The following NTM variants were observed in gnomAD, a reference collection of about 807,000 sequenced individuals.
The protein encoded by NTM is neurotrimin, also known as IgLON family member 2.
In NTM, 13 loss-of-function variants were observed where a neutral mutation model predicts 42.1. The observed-to-expected ratio is 0.31, with a 90% CI of 0.20 to 0.49. NTM has a LOEUF of 0.49. Among genes scored for constraint, NTM ranks in the 20% least tolerant of loss-of-function variants. The pLI, the probability that NTM is intolerant of heterozygous loss-of-function variation, is 0.99. For synonymous variants in NTM, 187 were observed against 179.2 expected (o/e 1.04, Z -0.35); for missense variants, 373 against 452.8 (o/e 0.82, Z 1.60).
intron 1 of NTM, among the ~76,000 whole-genome samples, chr11:131,477,117 G>C (rs900294216): frequency 2.0e-5 from 3 of 152,078 alleles, no homozygotes; most frequent in African/African-American, 4.8e-5. Context: ...GTAATGCTTG[G>C]AGGAGAAAGG....
At chr11:131,646,419 C>T (rs546294173) in intron 1 of NTM, among the ~76,000 whole-genome samples, 3 of 152,218 alleles carry the variant, frequency 2.0e-5, no homozygotes, top group Non-Finnish European at 2.9e-5. Context: ...CTTTCTTCCC[C>T]AGGCCCTAAC....
intron 1 of NTM, among the ~76,000 whole-genome samples, chr11:131,892,653 GA>G (rs1213880260): frequency 1.3e-5 from 2 of 152,252 alleles, no homozygotes; most frequent in Non-Finnish European, 2.9e-5. Context: ...CTTGAGGGTG[GA>G]GGAAATTTAA....
At chr11:132,033,688 T>C (rs1057058623) in intron 2 of NTM, among the ~76,000 whole-genome samples, 2 of 152,172 alleles carry the variant, frequency 1.3e-5, no homozygotes, top group African/African-American at 4.8e-5. Flanking sequence ...CCAACACAAT[T>C]CTTAAATGAA....
chr11:132,195,960 C>A (rs1038729192), intron 3 of NTM, among the ~76,000 whole-genome samples: 1 of 151,980 alleles, frequency 6.6e-6, no homozygotes, highest in African/African-American at 2.4e-5. Context: ...ACAAGTGAGA[C>A]CTAATTAAAC....
chr11:132,225,793 T>C (rs2086123770), intron 4 of NTM, among the ~76,000 whole-genome samples: 1 of 152,206 alleles, frequency 6.6e-6, no homozygotes, highest in African/African-American at 2.4e-5. Flanking sequence ...ACATGTGCCA[T>C]GGTGGTTTGC....
chr11:132,279,964 C>A (rs1245534227), intron 4 of NTM, among the ~76,000 whole-genome samples: 1 of 152,178 alleles, frequency 6.6e-6, no homozygotes, highest in Admixed American at 6.5e-5. Flanking sequence ...CCAATAACTC[C>A]TACTATATGC....
intron 2 of NTM, among the ~76,000 whole-genome samples, chr11:132,032,849 G>A (rs1435123715): frequency 1.3e-5 from 2 of 152,160 alleles, no homozygotes; most frequent in African/African-American, 4.8e-5. Flanking sequence ...TTGATGTTAT[G>A]TGTATATATT....
At chr11:131,401,844 A>ATATATATATATATATATATG (rs1945266738) in intron 1 of NTM, among the ~76,000 whole-genome samples, 8 of 101,084 alleles carry the variant, frequency 7.9e-5, no homozygotes, top group African/African-American at 3.1e-4. Flanking sequence ...ATATATATAT[A>ATATATATATATATATATATG]TATATATATA....
intron 1 of NTM, among the ~76,000 whole-genome samples, chr11:131,671,212 A>T (rs1241857324): frequency 1.3e-5 from 2 of 152,050 alleles, no homozygotes; most frequent in African/African-American, 2.4e-5. Flanking sequence ...CAGCAACTTT[A>T]TGGATGCCAG....
At chr11:131,898,592 C>T (rs1301645947) in intron 1 of NTM, among the ~76,000 whole-genome samples, 1 of 152,152 alleles carries the variant, frequency 6.6e-6, no homozygotes, top group African/African-American at 2.4e-5. Flanking sequence ...AGGTTGGATA[C>T]CAAGGATATG....
At chr11:132,314,989 A>AAAAT (rs1485907990) in intron 7 of NTM, 22 of 1,175,784 alleles carry the variant, frequency 1.9e-5, no homozygotes, top group Non-Finnish European at 2.3e-5. Context: ...TGGGAAAAGG[A>AAAAT]AAATGAAAAA....
At chr11:131,636,016 G>T (rs973566117) in intron 1 of NTM, among the ~76,000 whole-genome samples, 1 of 152,206 alleles carries the variant, frequency 6.6e-6, no homozygotes, top group Non-Finnish European at 1.5e-5. Context: ...CGAGGTTCGT[G>T]TAAGTGCTCT....
chr11:131,850,568 C>A (rs908445252), intron 1 of NTM, among the ~76,000 whole-genome samples: 2 of 152,146 alleles, frequency 1.3e-5, no homozygotes, highest in African/African-American at 2.4e-5. Flanking sequence ...AAAATAAGGT[C>A]TTTGTCTTCC....
intron 4 of NTM, among the ~76,000 whole-genome samples, chr11:132,278,984 C>T (rs1397511527): frequency 6.6e-6 from 1 of 152,146 alleles, no homozygotes; most frequent in Non-Finnish European, 1.5e-5. Flanking sequence ...ATCCACAAGA[C>T]GTCCCCTTTT....
chr11:132,178,866 T>C (rs1165951342), intron 3 of NTM, among the ~76,000 whole-genome samples: 1 of 152,246 alleles, frequency 6.6e-6, no homozygotes, highest in Non-Finnish European at 1.5e-5. Context: ...AATGAAAATG[T>C]AGGTTAATAG....
intron 2 of NTM, among the ~76,000 whole-genome samples, chr11:131,962,805 A>G (rs1171740522): frequency 2.6e-5 from 4 of 152,076 alleles, no homozygotes; most frequent in Admixed American, 2.0e-4. Flanking sequence ...ATTTTCATGA[A>G]AACATCCCTC....
At chr11:132,282,716 A>G (rs1031066244) in intron 4 of NTM, among the ~76,000 whole-genome samples, 2 of 152,210 alleles carry the variant, frequency 1.3e-5, no homozygotes, top group African/African-American at 4.8e-5. Flanking sequence ...TTTAGAAAAC[A>G]TTAGGACAGG....
chr11:131,704,586 A>T (rs2076399971), intron 1 of NTM, among the ~76,000 whole-genome samples: 2 of 152,240 alleles, frequency 1.3e-5, no homozygotes, highest in Admixed American at 6.5e-5. Context: ...TAATCAGGAG[A>T]ATATGACATG....
chr11:131,996,421 T>G (rs2068038226), intron 2 of NTM, among the ~76,000 whole-genome samples: 1 of 152,142 alleles, frequency 6.6e-6, no homozygotes, highest in Non-Finnish European at 1.5e-5. Flanking sequence ...AAATGTGGGT[T>G]GTTCTTTTAT....
Sources: allele counts gnomAD v4.1 joint callset (sites outside exome capture counted in the v4.1 genomes callset), GRCh38; gene constraint gnomAD v4.1.1; transcripts MANE v1.5; gene names NCBI Gene and HGNC (gene_info 2026-07-23, HGNC 2026-07-21).